The following PCDHGA11 variants were observed in gnomAD, a reference collection of about 807,000 sequenced individuals.
PCDHGA11 encodes the protein protocadherin gamma-A11.
PCDHGA11 carries 39 observed loss-of-function variants against 60.4 expected under a neutral mutation model. That is an observed-to-expected ratio of 0.65 (90% CI 0.50 to 0.84). The LOEUF is 0.84. Ranked by LOEUF, PCDHGA11 falls within the 40% of genes least tolerant of loss-of-function variation. The probability of loss-of-function intolerance (pLI) is 0.00; values close to 1 mark genes in which losing one functional copy is unlikely to be tolerated. For synonymous variants in PCDHGA11, 533 were observed against 510.3 expected (o/e 1.04, Z -0.60); for missense variants, 1,165 against 1,197.7 (o/e 0.97, Z 0.40).
In PCDHGA11 at chr5:141,431,544, T is replaced by C. The variant is rs1409551731; in HGVS notation, c.2433+7884T>C. 1.2e-6 allele frequency: 2 copies of C among 1,614,152 alleles called. No individual in the cohort carries two copies. The highest frequency in any genetic ancestry group is 2.2e-5 in the South Asian group (2 of 91,092). ...AATCTGGCCTTGGGCACGCAGCTGC[T>C]TGTAGTCAACGCTACCGACCCTGAC... On this transcript the variant is annotated intron_variant, in intron 1 of 3. Coordinates refer to ENST00000398587, the MANE Select transcript of PCDHGA11 (RefSeq NM_018914.3). The surrounding 1 kb of genome is among the most constrained non-coding windows in gnomAD (Gnocchi z 4.8).
chr5:141,477,634 G>C lies in PCDHGA11; in HGVS notation c.2434-17173G>C. 2 of 1,614,176 alleles carry C rather than the reference G, an allele frequency of 1.2e-6. No individual in the cohort carries two copies. Among genetic ancestry groups the C allele is most frequent in the Non-Finnish European group, 1.7e-6 (2 of 1,180,034 alleles). On this transcript the variant is annotated intron_variant, in intron 1 of 3. Transcript: ENST00000398587. This position sits in a 1 kb window ranked among gnomAD's most constrained non-coding sequence, Gnocchi z 4.9. Reference sequence around the variant, plus strand: ...AGCAAGGAGCTGAAACCGGGCTAGTGGGTCGCTATTTCACAATAAATCGTG... The same window carrying C: ...AGCAAGGAGCTGAAACCGGGCTAGTCGGTCGCTATTTCACAATAAATCGTG...
intron 1 of PCDHGA11, among the ~76,000 whole-genome samples, chr5:141,457,293 T>A (rs2098916185): frequency 6.6e-6 from 1 of 152,226 alleles, no homozygotes; most frequent in Admixed American, 6.5e-5. Context: ...TTCCTTGGTT[T>A]TATTTTCCCA....
intron 2 of PCDHGA11, among the ~76,000 whole-genome samples, chr5:141,497,501 C>T (rs1268186916): frequency 6.6e-6 from 1 of 151,182 alleles, no homozygotes; most frequent in Non-Finnish European, 1.5e-5. Flanking sequence ...TCTCTCCTCT[C>T]TCTGCTTCCT....
At chr5:141,497,983 C>T (rs2099780927) in intron 2 of PCDHGA11, among the ~76,000 whole-genome samples, 1 of 152,168 alleles carries the variant, frequency 6.6e-6, no homozygotes, top group African/African-American at 2.4e-5. Context: ...GTGGGAGGCC[C>T]CTGCCCTCAA....
At chr5:141,471,302 C>T (rs111827070) in intron 1 of PCDHGA11, 9,302 of 152,168 alleles carry the variant, frequency 0.061, 339 homozygotes, top group South Asian at 0.12. Flanking sequence ...CCACCCAACT[C>T]GGCCTCCCAA....
intron 2 of PCDHGA11, among the ~76,000 whole-genome samples, chr5:141,500,674 G>T (rs554174451): frequency 4.2e-4 from 64 of 152,122 alleles, no homozygotes; most frequent in Non-Finnish European, 6.6e-4. Flanking sequence ...CTGTCCAACA[G>T]AATTATAGCT....
intron 3 of PCDHGA11, among the ~76,000 whole-genome samples, chr5:141,507,784 T>C (rs2099863290): frequency 6.6e-6 from 1 of 152,136 alleles, no homozygotes; most frequent in Non-Finnish European, 1.5e-5. Context: ...GGCCTGACCC[T>C]CGTCTAAGCC....
chr5:141,461,124 A>G (rs992107268), intron 1 of PCDHGA11, among the ~76,000 whole-genome samples: 1 of 151,978 alleles, frequency 6.6e-6, no homozygotes, highest in Admixed American at 6.6e-5. Context: ...TTTTTCATAT[A>G]ATTACTTATT....
chr5:141,488,497 C>T (rs1054409265), intron 1 of PCDHGA11, among the ~76,000 whole-genome samples: 3 of 152,204 alleles, frequency 2.0e-5, no homozygotes, highest in South Asian at 2.1e-4. Flanking sequence ...CTGTAACACT[C>T]ATTCCACATT....
rs779191558 is a variant in PCDHGA11 at position 141,491,465 on chromosome 5, A to G, written c.2434-3342A>G. On this transcript the variant is annotated intron_variant, in intron 1 of 3. Coordinates refer to ENST00000398587, the MANE Select transcript of PCDHGA11 (RefSeq NM_018914.3). This position sits in a 1 kb window ranked among gnomAD's most constrained non-coding sequence, Gnocchi z 6.9. The stretch of plus-strand genomic sequence containing the variant: ...CAGGACTCACCCTCCCCGGACTTCT[A>G]TAAGCAGTCCAGCCCCAACCTGCAG... 1.2e-6 allele frequency: 2 copies of G among 1,613,974 alleles called. No homozygotes were observed. The highest frequency in any genetic ancestry group is 1.1e-5 in the South Asian group (1 of 91,084).
chr5:141,479,333 G>A (rs2154577502), intron 1 of PCDHGA11: 1 of 152,652 alleles, frequency 6.6e-6, no homozygotes, highest in East Asian at 1.9e-4. Context: ...TCAGTGGTGT[G>A]CACCTGTAGT....
In PCDHGA11 at chr5:141,476,524, T is replaced by C. The variant is rs1350353768; in HGVS notation, c.2434-18283T>C. On this transcript the variant is annotated intron_variant, in intron 1 of 3. Coordinates refer to ENST00000398587, the MANE Select transcript of PCDHGA11 (RefSeq NM_018914.3). The surrounding 1 kb of genome is among the most constrained non-coding windows in gnomAD (Gnocchi z 7.6). ...TCAACGACAACAATCCTGCTTTCCC[T>C]ACCCAGGAAATGAAATTGGAGATTA... 6.2e-7 allele frequency: 1 copy of C among 1,614,182 alleles called. No individual in the cohort carries two copies. Among genetic ancestry groups the C allele is most frequent in the Non-Finnish European group, 8.5e-7 (1 of 1,180,028 alleles).
rs141397385 is a variant in PCDHGA11 at position 141,476,135 on chromosome 5, A to C, written c.2434-18672A>C. 8.4e-4 allele frequency: 1,352 copies of C among 1,608,526 alleles called. 1 individual carries two copies. Among genetic ancestry groups the C allele is most frequent in the Non-Finnish European group, 1.1e-3 (1,319 of 1,178,332 alleles). On this transcript the variant is annotated intron_variant, in intron 1 of 3. Transcript: ENST00000398587. This position sits in a 1 kb window ranked among gnomAD's most constrained non-coding sequence, Gnocchi z 7.6. ...GAGTGAGATGGTCCCAGAGGCCTGG[A>C]GGAGCGGACTGGTAAGCACCGGGAG...
rs1191643556 is a variant in PCDHGA11 at position 141,486,302 on chromosome 5, C to A, written c.2434-8505C>A. On this transcript the variant is annotated intron_variant, in intron 1 of 3. Transcript: ENST00000398587. The surrounding 1 kb of genome is among the most constrained non-coding windows in gnomAD (Gnocchi z 5.0). ...GGTGGCACTTATCAGTGTGCAGGAT[C>A]CAGACTCAGGGTCAAACGGAGATGT... The A allele has an allele frequency of 6.2e-7, 1 of 1,614,036 alleles. No individual in the cohort carries two copies. The highest frequency in any genetic ancestry group is 8.5e-7 in the Non-Finnish European group (1 of 1,179,994).
chr5:141,461,830 CT>C (rs1030113508), intron 1 of PCDHGA11, among the ~76,000 whole-genome samples: 30 of 145,198 alleles, frequency 2.1e-4, no homozygotes, highest in Non-Finnish European at 2.4e-4. Flanking sequence ...ATTTTTTTTT[CT>C]TTTTTTTTTG....
intron 1 of PCDHGA11, chr5:141,430,946 G>C: frequency 6.2e-7 from 1 of 1,609,494 alleles, no homozygotes. Context: ...CGCGGAGCGC[G>C]GAGTCCGCAT....
chr5:141,433,358 C>T (rs974347696), intron 1 of PCDHGA11: 20 of 503,934 alleles, frequency 4.0e-5, no homozygotes, highest in African/African-American at 3.1e-4. Flanking sequence ...CTACTGTCTG[C>T]CTATCTATCT....
chr5:141,458,413 G>T lies in PCDHGA11; in HGVS notation c.2433+34753G>T, dbSNP rs138479316. On this transcript the variant is annotated intron_variant, in intron 1 of 3. Coordinates refer to ENST00000398587, the MANE Select transcript of PCDHGA11 (RefSeq NM_018914.3). ...TCCCCCTTGCAGAGACGGAGCGGGG[G>T]TTCCAAAGCTGAAAGAGGAGGTCCC... Among the ~76,000 whole-genome samples the T allele has an allele frequency of 9.0e-4, 137 of 152,196 alleles. 5 individuals carry two copies. The East Asian group carries it at 0.026, about 28-fold the overall frequency.
At chr5:141,463,784 T>G (rs2099069378) in intron 1 of PCDHGA11, among the ~76,000 whole-genome samples, 1 of 152,194 alleles carries the variant, frequency 6.6e-6, no homozygotes, top group South Asian at 2.1e-4. Context: ...CTGCACTGTC[T>G]TTTGAACAAA....
Sources: gnomAD v4.1 joint callset for allele counts (sites outside exome capture counted in the v4.1 genomes callset) on GRCh38, gnomAD v4.1.1 for gene constraint, Gnocchi (gnomAD v3.1) non-coding constraint, MANE v1.5 for transcripts, NCBI Gene and HGNC (gene_info 2026-07-23, HGNC 2026-07-21) for gene names.